Variants in SPIN1 observed in about 807,000 individuals in gnomAD.
SPIN1 encodes the protein spindlin 1.
Under a neutral mutation model 26.0 loss-of-function variants are expected in SPIN1, and 3 were observed. The observed-to-expected ratio is 0.12, with a 90% CI of 0.05 to 0.30. The LOEUF is 0.30. SPIN1 is among the 10% of genes least tolerant of loss of function. The pLI is 1.00. For missense variants in SPIN1, 126 were observed against 333.4 expected (o/e 0.38, Z 4.84); for synonymous variants, 101 against 116.5 (o/e 0.87, Z 0.86).
intron 1 of SPIN1, among the ~76,000 whole-genome samples, chr9:88,401,292 G>T (rs1425305017): frequency 6.6e-6 from 1 of 152,102 alleles, no homozygotes; most frequent in Non-Finnish European, 1.5e-5. Flanking sequence ...TGGAGTTAAG[G>T]TAGAGTAAAT....
intron 1 of SPIN1, among the ~76,000 whole-genome samples, chr9:88,393,691 G>A (rs1169186556): frequency 6.6e-6 from 1 of 151,934 alleles, no homozygotes; most frequent in Non-Finnish European, 1.5e-5. Context: ...TCTTGACATT[G>A]TGATCTGCCC....
chr9:88,400,787 G>T (rs1827168929), intron 1 of SPIN1, among the ~76,000 whole-genome samples: 1 of 151,760 alleles, frequency 6.6e-6, no homozygotes, highest in African/African-American at 2.4e-5. Context: ...AGAGGTTGCA[G>T]TGAGCCAAGA....
chr9:88,431,987 G>A (rs1827881997), intron 2 of SPIN1, among the ~76,000 whole-genome samples: 1 of 152,162 alleles, frequency 6.6e-6, no homozygotes, highest in African/African-American at 2.4e-5. Flanking sequence ...GCTGTGAGCT[G>A]TGATTGTGTC....
chr9:88,472,004 GGC>G lies in SPIN1; in HGVS notation c.590-3073_590-3072del, dbSNP rs534293752. 1.6e-4 allele frequency among the ~76,000 whole-genome samples: 25 copies of G among 152,158 alleles called. No individual in the cohort carries two copies. In the East Asian group the frequency reaches 4.6e-3, roughly 28 times the overall value. On this transcript the variant is annotated intron_variant, in intron 5 of 5. Coordinates refer to ENST00000375859, the MANE Select transcript of SPIN1 (RefSeq NM_006717.3). ...AGTAGAGATGGGGTTTTGCCATATT[GGC>G]CAGGCTGGTCTCAAACTCCTGGGGT... is the stretch of plus-strand genomic sequence containing the variant.
chr9:88,457,066 G>A (rs1209615476), intron 3 of SPIN1, among the ~76,000 whole-genome samples: 1 of 152,162 alleles, frequency 6.6e-6, no homozygotes, highest in African/African-American at 2.4e-5. Flanking sequence ...GAATCATGGA[G>A]AATTGATCTA....
At chr9:88,393,942 G>C (rs1451564747) in intron 1 of SPIN1, among the ~76,000 whole-genome samples, 1 of 152,008 alleles carries the variant, frequency 6.6e-6, no homozygotes, top group Non-Finnish European at 1.5e-5. Flanking sequence ...CCGCCTCCCG[G>C]GTTCAAGCTA....
intron 2 of SPIN1, among the ~76,000 whole-genome samples, chr9:88,433,240 C>G (rs148125521): frequency 6.6e-6 from 1 of 151,940 alleles, no homozygotes; most frequent in Non-Finnish European, 1.5e-5. Flanking sequence ...TGCCACCACG[C>G]CCTGCTAATT....
At chr9:88,463,065 T>C (rs1828601663) in intron 4 of SPIN1, among the ~76,000 whole-genome samples, 1 of 152,118 alleles carries the variant, frequency 6.6e-6, no homozygotes, top group Non-Finnish European at 1.5e-5. Flanking sequence ...TGAAATATCC[T>C]ATATGTTAAT....
intron 1 of SPIN1, among the ~76,000 whole-genome samples, chr9:88,394,626 C>T (rs957096619): frequency 1.3e-5 from 2 of 151,932 alleles, no homozygotes; most frequent in Admixed American, 1.3e-4. Context: ...GCAACTGTAG[C>T]TTTATGTTTG....
At chr9:88,404,915 CAAAAAAAAAAAA>C (rs112038274) in intron 1 of SPIN1, among the ~76,000 whole-genome samples, 29,152 of 83,894 alleles carry the variant, frequency 0.35, 3,752 homozygotes, top group African/African-American at 0.5. Context: ...GATTTCGTCT[CAAAAAAAAAAAA>C]AACAAAAAAA....
chr9:88,465,483 GT>G (rs1828649881), intron 4 of SPIN1, among the ~76,000 whole-genome samples: 2 of 152,104 alleles, frequency 1.3e-5, no homozygotes, highest in Non-Finnish European at 2.9e-5. Context: ...TGTCATAGTG[GT>G]CATCCTGATG....
At chr9:88,453,454 A>G (rs1428108428) in intron 3 of SPIN1, among the ~76,000 whole-genome samples, 2 of 152,044 alleles carry the variant, frequency 1.3e-5, no homozygotes, top group African/African-American at 4.8e-5. Context: ...GGTCTGGGGA[A>G]TCTCATTAGA....
At chr9:88,411,521 CTT>C (rs1290180578) in intron 1 of SPIN1, 3 of 680,980 alleles carry the variant, frequency 4.4e-6, no homozygotes, top group Non-Finnish European at 7.4e-6. Flanking sequence ...GGGCAGAAAG[CTT>C]TTTTTTTGGA....
chr9:88,438,334 A>G (rs1265418893), intron 2 of SPIN1, among the ~76,000 whole-genome samples: 2 of 152,048 alleles, frequency 1.3e-5, no homozygotes, highest in Non-Finnish European at 2.9e-5. Flanking sequence ...ATGTTGTTCA[A>G]TCTCCATGTA....
intron 1 of SPIN1, among the ~76,000 whole-genome samples, chr9:88,390,175 T>C (rs1196621787): frequency 6.6e-6 from 1 of 152,226 alleles, no homozygotes; most frequent in African/African-American, 2.4e-5. Context: ...ATGTCTTCAG[T>C]CATCTTTCTA....
chr9:88,436,675 C>T (rs936286080), intron 2 of SPIN1, among the ~76,000 whole-genome samples: 7 of 150,654 alleles, frequency 4.6e-5, no homozygotes, highest in Non-Finnish European at 7.4e-5. Context: ...GTCATAAAGT[C>T]GGAATCATAC....
intron 5 of SPIN1, among the ~76,000 whole-genome samples, chr9:88,473,794 G>C (rs1016890811): frequency 4.6e-5 from 7 of 152,130 alleles, no homozygotes; most frequent in African/African-American, 1.7e-4. Context: ...GGTTAGCTGA[G>C]TTACTATAAA....
intron 2 of SPIN1, among the ~76,000 whole-genome samples, chr9:88,444,882 G>A (rs940811271): frequency 4.0e-5 from 6 of 151,398 alleles, no homozygotes; most frequent in African/African-American, 1.5e-4. Flanking sequence ...TAGTAGAGAC[G>A]GGGTTTCACT....
At chr9:88,393,748 C>T (rs1165109479) in intron 1 of SPIN1, among the ~76,000 whole-genome samples, 1 of 152,076 alleles carries the variant, frequency 6.6e-6, no homozygotes, top group Non-Finnish European at 1.5e-5. Flanking sequence ...AGCCATCTCT[C>T]CAGAGCTGAT....
Sources: allele counts gnomAD v4.1 joint callset (sites outside exome capture counted in the v4.1 genomes callset), GRCh38; gene constraint gnomAD v4.1.1; transcripts MANE v1.5; gene names NCBI Gene and HGNC (gene_info 2026-07-23, HGNC 2026-07-21).